The following MSL2 variants were observed in gnomAD, a reference collection of about 807,000 sequenced individuals.
MSL2 encodes E3 ubiquitin-protein ligase MSL2.
In MSL2, 2 loss-of-function variants were observed where a neutral mutation model predicts 35.8. The ratio of observed to expected loss-of-function variants is 0.06; its 90% CI spans 0.02 to 0.18. The LOEUF (loss-of-function observed/expected upper bound fraction) is 0.18. Among genes scored for constraint, MSL2 ranks in the 10% least tolerant of loss-of-function variants. The pLI, the probability that MSL2 is intolerant of heterozygous loss-of-function variation, is 1.00. For synonymous variants in MSL2, 296 were observed against 255.7 expected, an observed-to-expected ratio of 1.16 and a Z score of -1.50; for missense variants, 523 against 706.7, an observed-to-expected ratio of 0.74 and a Z score of 2.95.
intron 1 of MSL2, among the ~76,000 whole-genome samples, chr3:136,183,485 C>T (rs1190493001): frequency 4.6e-5 from 7 of 152,124 alleles, no homozygotes; most frequent in Non-Finnish European, 1.0e-4. Flanking sequence ...TGCAGTGGCA[C>T]GACCTCGATC....
chr3:136,160,403 G>A (rs1448725865), intron 1 of MSL2, among the ~76,000 whole-genome samples: 6 of 127,274 alleles, frequency 4.7e-5, no homozygotes, highest in Non-Finnish European at 9.7e-5. Context: ...CAGACTGAGA[G>A]AAAATATTTG....
intron 1 of MSL2, among the ~76,000 whole-genome samples, chr3:136,180,335 A>C (rs929049996): frequency 6.6e-6 from 1 of 152,190 alleles, no homozygotes. Context: ...GTCTCCAAAA[A>C]TAAAAAGCAA....
chr3:136,151,790 G>A lies in MSL2; in HGVS notation c.1091C>T (p.Pro364Leu). 1 of 1,614,144 alleles carries A rather than the reference G, an allele frequency of 6.2e-7. No homozygotes were observed. Residue 364 changes from proline to leucine, a missense_variant, in exon 2 of 2, where the codon CCA becomes CTA. This residue lies in a region of MSL2 where 361 missense variants were observed against 414.6 expected (regional missense o/e 0.87). Coordinates refer to ENST00000309993, the MANE Select transcript of MSL2 (RefSeq NM_018133.4). The surrounding 1 kb of genome is among the most constrained non-coding windows in gnomAD (Gnocchi z 5.2). ...CACAGGAGCAGATGCCCCCAGTGTT[G>A]GGCCTCGGATAATGGTAGAAATTGG... ...PLPISTIIRG[P>L]TLGASAPVTV...
chr3:136,196,153 G>T lies in MSL2; in HGVS notation c.-1040C>A. The T allele has an allele frequency of 6.6e-6, 1 of 150,494 alleles. No individual in the cohort carries two copies. The highest frequency in any genetic ancestry group is 2.0e-4 in the South Asian group (1 of 5,082). 9.3% of individuals were successfully genotyped at this position (150,494 alleles called of 1,614,324 possible). A position where few individuals can be genotyped will look rare whatever the true frequency, so the allele number is the denominator to read the frequency against. On this transcript the variant is annotated 5_prime_UTR_variant, in exon 1 of 2. Coordinates refer to ENST00000309993, the MANE Select transcript of MSL2 (RefSeq NM_018133.4). ...CCCCGTGCCTCGCCGCCCTCACCCC[G>T]ACTCCACGCGCCACTCCAGCTCGGT...
At chr3:136,172,373 C>T (rs951041254) in intron 1 of MSL2, among the ~76,000 whole-genome samples, 1 of 152,068 alleles carries the variant, frequency 6.6e-6, no homozygotes, top group Non-Finnish European at 1.5e-5. Flanking sequence ...ATACTCCCCC[C>T]ACCCAGTTAC....
chr3:136,174,663 G>A (rs1940120300), intron 1 of MSL2, among the ~76,000 whole-genome samples: 1 of 152,128 alleles, frequency 6.6e-6, no homozygotes, highest in Non-Finnish European at 1.5e-5. Flanking sequence ...CAAGAGCCCT[G>A]CCTAAATTCT....
intron 1 of MSL2, chr3:136,194,490 C>T (rs1254591113): frequency 1.0e-6 from 1 of 984,116 alleles, no homozygotes; most frequent in Non-Finnish European, 1.2e-6. Flanking sequence ...GGGCAAAGTT[C>T]CGCGCCGGGT....
chr3:136,159,759 A>G (rs1413234450), intron 1 of MSL2, among the ~76,000 whole-genome samples: 1 of 152,082 alleles, frequency 6.6e-6, no homozygotes, highest in Admixed American at 6.6e-5. Flanking sequence ...ACCTCACAAC[A>G]TACACAAAAA....
At position 136,150,370 on chromosome 3, in the gene MSL2, A is replaced by T. The variant is rs548552741; in HGVS notation, c.*777T>A. Reference sequence around the variant, plus strand: ...CTAAATAAAATCTTTTTATAATTTTAAAAAAATTCTGTCACATACTACATA... The same window carrying T: ...CTAAATAAAATCTTTTTATAATTTTTAAAAAATTCTGTCACATACTACATA... On this transcript the variant is annotated 3_prime_UTR_variant, in exon 2 of 2. Coordinates refer to ENST00000309993, the MANE Select transcript of MSL2 (RefSeq NM_018133.4). 5.2e-4 allele frequency: 79 copies of T among 152,660 alleles called. No homozygotes were observed. The highest frequency in any genetic ancestry group is 3.2e-4 in the Non-Finnish European group (22 of 68,026). 9.5% of individuals were successfully genotyped at this position (152,660 alleles called of 1,614,324 possible). A position where few individuals can be genotyped will look rare whatever the true frequency, so the allele number is the denominator to read the frequency against.
chr3:136,195,068 G>A lies in MSL2; in HGVS notation c.46C>T (p.Leu16=), dbSNP rs144330176. The A allele has an allele frequency of 9.9e-6, 16 of 1,613,906 alleles. No homozygotes were observed. The African/African-American group carries it at 2.1e-4, about 22-fold the overall frequency. The part of the protein sequence containing the change: ...ATALYISASR[L]VLNYDPGDPK... ...TCTCCGGGGTCGTAGTTGAGCACTA[G>A]GCGGCTCGCGGAAATGTAGAGAGCA... The change falls in exon 1 of 2, where the codon CTA becomes TTA. Residue 16 remains leucine (L), a synonymous_variant. Coordinates refer to ENST00000309993, the MANE Select transcript of MSL2 (RefSeq NM_018133.4).
chr3:136,157,259 C>G (rs1295060654), intron 1 of MSL2, among the ~76,000 whole-genome samples: 1 of 117,888 alleles, frequency 8.5e-6, no homozygotes, highest in Non-Finnish European at 1.7e-5. Flanking sequence ...GCGGGCCGAT[C>G]ACCTGAGGTC....
intron 1 of MSL2, among the ~76,000 whole-genome samples, chr3:136,186,211 A>G (rs1940518557): frequency 6.6e-6 from 1 of 152,166 alleles, no homozygotes; most frequent in African/African-American, 2.4e-5. Context: ...TGTCTGTGTC[A>G]AACTGCCAGG....
At chr3:136,173,068 C>T (rs558847733) in intron 1 of MSL2, among the ~76,000 whole-genome samples, 7 of 152,244 alleles carry the variant, frequency 4.6e-5, no homozygotes, top group Non-Finnish European at 8.8e-5. Flanking sequence ...GAGGCTGAGG[C>T]ACAAAAATCG....
intron 1 of MSL2, among the ~76,000 whole-genome samples, chr3:136,177,403 G>A (rs756127816): frequency 1.3e-5 from 2 of 152,186 alleles, no homozygotes; most frequent in Admixed American, 6.5e-5. Context: ...GGCCGGGCAC[G>A]GTGGTTCATG....
intron 1 of MSL2, among the ~76,000 whole-genome samples, chr3:136,178,921 C>T (rs1180189745): frequency 6.6e-6 from 1 of 150,876 alleles, no homozygotes; most frequent in Non-Finnish European, 1.5e-5. Flanking sequence ...GGATCACTTA[C>T]ATGGCCTACT....
In MSL2 at chr3:136,149,593, A is replaced by C. The variant is rs1300132307; in HGVS notation, c.*1554T>G. ...CCACCCCACCAAAAGAGACCAAAAA[A>C]AAAAAAAGAAAAAAAAGCCCAACAA... On this transcript the variant is annotated 3_prime_UTR_variant, in exon 2 of 2. Coordinates refer to ENST00000309993, the MANE Select transcript of MSL2 (RefSeq NM_018133.4). The C allele has an allele frequency of 6.7e-6, 1 of 150,226 alleles. No individual in the cohort carries two copies. Among genetic ancestry groups the C allele is most frequent in the South Asian group, 2.1e-4 (1 of 4,788 alleles). 9.3% of individuals were successfully genotyped at this position (150,226 alleles called of 1,614,324 possible). A position where few individuals can be genotyped will look rare whatever the true frequency, so the allele number is the denominator to read the frequency against.
At chr3:136,174,288 G>A (rs1169732538) in intron 1 of MSL2, among the ~76,000 whole-genome samples, 1 of 152,130 alleles carries the variant, frequency 6.6e-6, no homozygotes, top group East Asian at 1.9e-4. Flanking sequence ...AACCAAGATG[G>A]ACTTTCATGG....
At chr3:136,182,030 ACAAGATGAAAACACTGAAGG>A (rs1186743763) in intron 1 of MSL2, among the ~76,000 whole-genome samples, 1 of 151,758 alleles carries the variant, frequency 6.6e-6, no homozygotes, top group Non-Finnish European at 1.5e-5. Context: ...CAAAACTTAA[ACAAGATGAAAACACTGAAGG>A]CAAATTTCTC....
intron 1 of MSL2, chr3:136,155,768 G>C: frequency 1.8e-6 from 1 of 556,758 alleles, no homozygotes; most frequent in East Asian, 4.6e-5. Context: ...CACCATGTAC[G>C]TATGCAAAGA....
Sources: allele counts gnomAD v4.1 joint callset (sites outside exome capture counted in the v4.1 genomes callset), GRCh38; gene constraint gnomAD v4.1.1; regional missense constraint gnomAD v4.1.1; non-coding constraint Gnocchi (gnomAD v3.1); transcripts MANE v1.5; gene names NCBI Gene and HGNC (gene_info 2026-07-23, HGNC 2026-07-21).